RPH3A: variants seen among roughly 807,000 people sequenced by gnomAD.
RPH3A encodes the protein rabphilin-3A.
A neutral mutation model predicts 102.2 loss-of-function variants in RPH3A; 48 were observed. That is an observed-to-expected ratio of 0.47 (90% CI 0.37 to 0.60). RPH3A has a LOEUF of 0.60. Ranked by LOEUF, RPH3A falls within the 20% of genes least tolerant of loss-of-function variation. The pLI, the probability that RPH3A is intolerant of heterozygous loss-of-function variation, is 0.00. For synonymous variants in RPH3A, 310 were observed against 324.3 expected (o/e 0.96, Z 0.47); for missense variants, 781 against 910.1 (o/e 0.86, Z 1.83).
rs1466616750 is a variant in RPH3A, at chr12:112,596,495, T to C, written c.-140+21176T>C. On this transcript the variant is annotated intron_variant, in intron 1 of 21. Coordinates refer to the RPH3A transcript ENST00000543106. ...AACCATTATTTTCCCCTTCCTGTGC[T>C]CTCAAACTGCAGTAATGCCTTCATT... is the stretch of plus-strand genomic sequence containing the variant. Among the ~76,000 whole-genome samples, 4 of 152,222 alleles carry C rather than the reference T, an allele frequency of 2.6e-5. No homozygotes were observed. In the East Asian group the frequency reaches 7.7e-4, roughly 29 times the overall value.
Position 112,896,765 on chromosome 12 carries a change from C to A in RPH3A, c.2070C>A (p.His690Gln), listed in dbSNP as rs149505251. ...GGCACCAGCTACAGAATGAGAACCA[C>A]GTGTCAAGTGATTAGGCTAGTGCCC... ...ERWHQLQNEN[H>Q]VSSD Residue 690 changes from histidine (H) to glutamine (Q), a missense_variant, in exon 22 of 22, where the codon CAC (histidine) becomes CAA (glutamine). His to Gln is a conservative substitution (Grantham distance 24). This residue lies in a region of RPH3A where 51 missense variants were observed against 100.1 expected (regional missense o/e 0.51). Transcript: ENST00000389385. 6.2e-7 allele frequency: 1 copy of A among 1,614,074 alleles called. No homozygotes were observed. The highest frequency in any genetic ancestry group is 1.1e-5 in the South Asian group (1 of 91,078).
chr12:112,723,274 C>T (rs1389995068), intron 1 of RPH3A, among the ~76,000 whole-genome samples: 1 of 152,088 alleles, frequency 6.6e-6, no homozygotes, highest in Non-Finnish European at 1.5e-5. Context: ...CATAAATAGT[C>T]AGCTGACACA....
chr12:112,781,966 G>A (rs2041012361), intron 1 of RPH3A, among the ~76,000 whole-genome samples: 2 of 152,358 alleles, frequency 1.3e-5, no homozygotes, highest in Non-Finnish European at 2.9e-5. Context: ...AGGGTGGTCA[G>A]TTGTCTCTCC....
At chr12:112,861,264 A>G (rs1427169167) in intron 5 of RPH3A, among the ~76,000 whole-genome samples, 3 of 152,228 alleles carry the variant, frequency 2.0e-5, no homozygotes, top group African/African-American at 7.2e-5. Flanking sequence ...GCAAAAGTCC[A>G]GGCTAAAATC....
chr12:112,576,991 G>T (rs1234126569), intron 1 of RPH3A, among the ~76,000 whole-genome samples: 1 of 137,896 alleles, frequency 7.3e-6, no homozygotes, highest in African/African-American at 2.9e-5. Context: ...TTGCAGCCTT[G>T]ACCTCCCGGG....
At chr12:112,736,664 A>G (rs2040671882) in intron 1 of RPH3A, among the ~76,000 whole-genome samples, 1 of 152,200 alleles carries the variant, frequency 6.6e-6, no homozygotes, top group Non-Finnish European at 1.5e-5. Flanking sequence ...TAAAGCTGTC[A>G]GAATAGGGCT....
intron 1 of RPH3A, among the ~76,000 whole-genome samples, chr12:112,580,580 G>T (rs1183234184): frequency 6.6e-6 from 1 of 151,032 alleles, no homozygotes; most frequent in Non-Finnish European, 1.5e-5. Context: ...ATTTTTTTTT[G>T]TATTTTTAGT....
intron 1 of RPH3A, among the ~76,000 whole-genome samples, chr12:112,725,919 A>G (rs186059876): frequency 0.06 from 9,036 of 150,868 alleles, 429 homozygotes; most frequent in Non-Finnish European, 0.077. Context: ...CCTCAGCCTC[A>G]CGAGTAGCTG....
At chr12:112,776,956 G>A (rs901299771) in intron 1 of RPH3A, among the ~76,000 whole-genome samples, 5 of 146,520 alleles carry the variant, frequency 3.4e-5, no homozygotes, top group African/African-American at 1.3e-4. Flanking sequence ...GCACTCTATT[G>A]GCCAAAGGAA....
At chr12:112,769,904 T>C (rs1464376837) in intron 1 of RPH3A, among the ~76,000 whole-genome samples, 1 of 152,254 alleles carries the variant, frequency 6.6e-6, no homozygotes, top group Non-Finnish European at 1.5e-5. Flanking sequence ...TGAAGTATCC[T>C]GTCATATGAT....
chr12:112,660,017 G>A (rs1042928096), intron 1 of RPH3A, among the ~76,000 whole-genome samples: 4 of 152,060 alleles, frequency 2.6e-5, no homozygotes, highest in African/African-American at 9.7e-5. Flanking sequence ...ATCAATATTG[G>A]GGTATTGCTT....
chr12:112,621,984 T>C (rs1182571330), intron 1 of RPH3A, among the ~76,000 whole-genome samples: 1 of 150,744 alleles, frequency 6.6e-6, no homozygotes, highest in Admixed American at 6.6e-5. Context: ...CCAACAGACC[T>C]GCAGCTGAGG....
chr12:112,757,280 C>T (rs1052069654), intron 1 of RPH3A, among the ~76,000 whole-genome samples: 6 of 152,166 alleles, frequency 3.9e-5, no homozygotes, highest in African/African-American at 1.4e-4. Flanking sequence ...CATTTAAATG[C>T]CTTTCCTGAT....
intron 1 of RPH3A, among the ~76,000 whole-genome samples, chr12:112,579,285 A>T (rs1374731930): frequency 6.6e-6 from 1 of 152,196 alleles, no homozygotes; most frequent in Non-Finnish European, 1.5e-5. Flanking sequence ...TTGAGCACCG[A>T]TTCTGAGTCC....
chr12:112,609,973 C>T (rs1021599922), intron 1 of RPH3A, among the ~76,000 whole-genome samples: 1 of 152,182 alleles, frequency 6.6e-6, no homozygotes, highest in Non-Finnish European at 1.5e-5. Flanking sequence ...CTTCCTATTG[C>T]TTTGAGGGTA....
At chr12:112,726,384 G>A (rs1379345463) in intron 1 of RPH3A, among the ~76,000 whole-genome samples, 1 of 152,172 alleles carries the variant, frequency 6.6e-6, no homozygotes, top group African/African-American at 2.4e-5. Flanking sequence ...CAAAGTGCTG[G>A]GATTATAGGC....
intron 3 of RPH3A, among the ~76,000 whole-genome samples, chr12:112,835,691 T>C (rs2136167553): frequency 6.6e-6 from 1 of 152,362 alleles, no homozygotes; most frequent in South Asian, 2.1e-4. Flanking sequence ...CTCCAGTAAA[T>C]TAACAAATCT....
At chr12:112,619,662 T>G (rs1365465157) in intron 1 of RPH3A, among the ~76,000 whole-genome samples, 2 of 152,306 alleles carry the variant, frequency 1.3e-5, no homozygotes, top group African/African-American at 4.8e-5. Flanking sequence ...CCACCAGCAG[T>G]GTATGAGGGT....
intron 1 of RPH3A, among the ~76,000 whole-genome samples, chr12:112,702,725 GC>G (rs2040403297): frequency 6.6e-6 from 1 of 152,184 alleles, no homozygotes; most frequent in Non-Finnish European, 1.5e-5. Context: ...TCTGCAAGGA[GC>G]CCCCCAAAAA....
Sources: allele counts gnomAD v4.1 joint callset (sites outside exome capture counted in the v4.1 genomes callset), GRCh38; gene constraint gnomAD v4.1.1; regional missense constraint gnomAD v4.1.1; transcripts MANE v1.5; gene names NCBI Gene and HGNC (gene_info 2026-07-23, HGNC 2026-07-21).